DPYD: variants seen among roughly 807,000 people sequenced by gnomAD.
The protein encoded by DPYD is dihydropyrimidine dehydrogenase.
Under a neutral mutation model 116.2 loss-of-function variants are expected in DPYD, and 109 were observed. The ratio of observed to expected loss-of-function variants is 0.94; its 90% CI spans 0.80 to 1.10. The LOEUF (loss-of-function observed/expected upper bound fraction) is 1.10, where lower values mean the gene tolerates loss of function less well. DPYD is among the 50% of genes least tolerant of loss of function. The probability of loss-of-function intolerance (pLI) is 0.00; values close to 1 mark genes in which losing one functional copy is unlikely to be tolerated. For synonymous variants in DPYD, 440 were observed against 432.0 expected (o/e 1.02, Z -0.23); for missense variants, 1,302 against 1,254.5 (o/e 1.04, Z -0.57).
chr1:97,562,499 A>G (rs1251541138), intron 11 of DPYD, among the ~76,000 whole-genome samples: 3 of 152,152 alleles, frequency 2.0e-5, no homozygotes, highest in Non-Finnish European at 4.4e-5. Flanking sequence ...AAAATATAAC[A>G]AGTATGGTTG....
At chr1:97,096,714 GAAA>G (rs761350120) in intron 21 of DPYD, among the ~76,000 whole-genome samples, 17 of 152,156 alleles carry the variant, frequency 1.1e-4, no homozygotes, top group Non-Finnish European at 2.5e-4. Context: ...AGGGAGGATT[GAAA>G]AAAGGGCACT....
At chr1:97,297,171 A>G (rs1017700854) in intron 18 of DPYD, among the ~76,000 whole-genome samples, 1 of 152,162 alleles carries the variant, frequency 6.6e-6, no homozygotes, top group Non-Finnish European at 1.5e-5. Flanking sequence ...ACATTTTTTC[A>G]CTGAATTGAA....
At position 97,137,294 on chromosome 1, in the gene DPYD, G is replaced by A. The variant is rs574408308; in HGVS notation, c.2623-38662C>T. 1.2e-4 allele frequency among the ~76,000 whole-genome samples: 19 copies of A among 152,294 alleles called. No homozygotes were observed. The Middle Eastern group carries it at 0.014, about 109-fold the overall frequency. ...TTCAGCATATTCAGTCATCTGCCTC[G>A]GAGAGACTGAAAATATTACTATTGA... On this transcript the variant is annotated intron_variant, in intron 20 of 22. Coordinates refer to ENST00000370192, the MANE Select transcript of DPYD (RefSeq NM_000110.4).
intron 19 of DPYD, among the ~76,000 whole-genome samples, chr1:97,206,200 A>G (rs1487227587): frequency 6.6e-6 from 1 of 151,796 alleles, no homozygotes; most frequent in Non-Finnish European, 1.5e-5. Context: ...GGAGGCAAGG[A>G]GCTACTCAAA....
At chr1:97,744,155 C>G (rs977795608) in intron 3 of DPYD, among the ~76,000 whole-genome samples, 5 of 151,726 alleles carry the variant, frequency 3.3e-5, no homozygotes, top group African/African-American at 1.2e-4. Flanking sequence ...TACTTAAAGG[C>G]CAAAAACTAT....
chr1:97,203,683 A>T (rs1659388199), intron 19 of DPYD, among the ~76,000 whole-genome samples: 1 of 135,148 alleles, frequency 7.4e-6, no homozygotes, highest in Non-Finnish European at 1.6e-5. Context: ...CCAAAAAAAA[A>T]AAAAGAGAAA....
intron 6 of DPYD, among the ~76,000 whole-genome samples, chr1:97,696,738 G>A (rs79017036): frequency 0.012 from 1,891 of 151,906 alleles, 34 homozygotes; most frequent in African/African-American, 0.042. Flanking sequence ...ACAACTTTCC[G>A]TTCTTTTTAA....
chr1:97,490,447 T>C (rs1173592689), intron 13 of DPYD, among the ~76,000 whole-genome samples: 1 of 144,212 alleles, frequency 6.9e-6, no homozygotes, highest in South Asian at 2.1e-4. Context: ...ATAAGTATTA[T>C]ATAACGTACT....
chr1:97,328,990 A>G (rs1668846317), intron 16 of DPYD, among the ~76,000 whole-genome samples: 1 of 152,200 alleles, frequency 6.6e-6, no homozygotes, highest in South Asian at 2.1e-4. Flanking sequence ...TAAAGCTAAT[A>G]ATTTGTTTAA....
intron 20 of DPYD, among the ~76,000 whole-genome samples, chr1:97,120,296 A>T (rs910627925): frequency 1.3e-5 from 2 of 152,132 alleles, no homozygotes; most frequent in African/African-American, 4.8e-5. Flanking sequence ...TCTTCTTTTC[A>T]AAAGGATATG....
chr1:97,906,527 T>A (rs1673630148), intron 1 of DPYD, among the ~76,000 whole-genome samples: 1 of 152,080 alleles, frequency 6.6e-6, no homozygotes, highest in Admixed American at 6.6e-5. Context: ...ACTTAAAAAT[T>A]ACTTATAAAA....
At chr1:97,626,932 A>G (rs1656965670) in intron 8 of DPYD, among the ~76,000 whole-genome samples, 1 of 152,010 alleles carries the variant, frequency 6.6e-6, no homozygotes, top group East Asian at 1.9e-4. Flanking sequence ...TCCGGCTTCT[A>G]TGTCAAAGTG....
At position 97,225,003 on chromosome 1, in the gene DPYD, G is replaced by A. The variant is rs75217048; in HGVS notation, c.2442+9849C>T. Among the ~76,000 whole-genome samples the A allele has an allele frequency of 5.7e-3, 728 of 127,142 alleles. 5 individuals are homozygous for A. Among genetic ancestry groups the A allele is most frequent in the East Asian group, 0.017 (67 of 3,842 alleles). 83.4% of individuals were successfully genotyped at this position (127,142 alleles called of 152,430 possible). A position where few individuals can be genotyped will look rare whatever the true frequency, so the allele number is the denominator to read the frequency against. The stretch of plus-strand genomic sequence containing the variant: ...GATCTATCTAACTATCTGTCTGTCT[G>A]TCTATCTATCTATCTATCTATCTAT... On this transcript the variant is annotated intron_variant, in intron 19 of 22. Transcript: ENST00000370192.
chr1:97,860,776 A>T (rs1351785028), intron 2 of DPYD, among the ~76,000 whole-genome samples: 1 of 152,052 alleles, frequency 6.6e-6, no homozygotes, highest in Admixed American at 6.6e-5. Flanking sequence ...AACTCTAGTA[A>T]TTAAAAAAAT....
At chr1:97,563,850 C>G (rs1035400539) in intron 11 of DPYD, among the ~76,000 whole-genome samples, 6 of 152,100 alleles carry the variant, frequency 3.9e-5, no homozygotes, top group African/African-American at 1.4e-4. Context: ...CAAAGAAAAC[C>G]TGTGCAAGGA....
At chr1:97,882,039 TA>T (rs1008411472) in intron 2 of DPYD, among the ~76,000 whole-genome samples, 20 of 151,552 alleles carry the variant, frequency 1.3e-4, no homozygotes, top group African/African-American at 1.4e-4. Context: ...AAAACTATAA[TA>T]AAAAAATTAT....
intron 20 of DPYD, among the ~76,000 whole-genome samples, chr1:97,166,877 G>T (rs936965719): frequency 1.3e-5 from 2 of 152,108 alleles, no homozygotes; most frequent in African/African-American, 4.8e-5. Flanking sequence ...TAAAAAAGCA[G>T]AATTTAATGC....
chr1:97,158,018 C>T (rs1302742180), intron 20 of DPYD, among the ~76,000 whole-genome samples: 1 of 152,090 alleles, frequency 6.6e-6, no homozygotes, highest in African/African-American at 2.4e-5. Flanking sequence ...TGTTGAAGTA[C>T]TGGGTGCTTA....
chr1:97,290,972 A>G (rs1036374018), intron 18 of DPYD, among the ~76,000 whole-genome samples: 7 of 152,112 alleles, frequency 4.6e-5, no homozygotes, highest in African/African-American at 1.7e-4. Context: ...TCTACAATGA[A>G]CTCAAACAAA....
Sources: gnomAD v4.1 joint callset for allele counts (sites outside exome capture counted in the v4.1 genomes callset) on GRCh38, gnomAD v4.1.1 for gene constraint, MANE v1.5 for transcripts, NCBI Gene and HGNC (gene_info 2026-07-23, HGNC 2026-07-21) for gene names.